FSD1: variants seen among roughly 807,000 people sequenced by gnomAD.
The protein encoded by FSD1 is fibronectin type III and SPRY domain-containing protein 1.
FSD1 carries 23 observed loss-of-function variants against 58.2 expected under a neutral mutation model. The observed-to-expected ratio is 0.40, with a 90% CI of 0.28 to 0.56. The LOEUF is 0.56. Among genes scored for constraint, FSD1 ranks in the 20% least tolerant of loss-of-function variants. The pLI is 0.54. For synonymous variants in FSD1, 265 were observed against 263.4 expected, an observed-to-expected ratio of 1.01 and a Z score of -0.06; for missense variants, 563 against 670.8, an observed-to-expected ratio of 0.84 and a Z score of 1.78.
rs200771550 is a variant in FSD1, at chr19:4,307,943, A to C, written c.305A>C (p.Asn102Thr). The C allele has an allele frequency of 4.3e-6, 7 of 1,613,860 alleles. No individual in the cohort carries two copies. Among genetic ancestry groups the C allele is most frequent in the African/African-American group, 1.3e-5 (1 of 74,926 alleles). The change falls in exon 4 of 13, where the codon AAC (asparagine) becomes ACC (threonine). Residue 102 changes from asparagine (N) to threonine (T), a missense_variant. Coordinates refer to ENST00000221856, the MANE Select transcript of FSD1 (RefSeq NM_024333.3). ...TCCGAGGAGCTTCTGGAGACAGCCA[A>C]CCAGACTCTGCAGGCCATGGACAGC... is the stretch of plus-strand genomic sequence containing the variant. ...ESSEELLETA[N>T]QTLQAMDSED...
At chr19:4,306,471 T>G in intron 3 of FSD1, 142 bp downstream of exon 3, 3 of 701,532 alleles carry the variant, frequency 4.3e-6, no homozygotes, top group Non-Finnish European at 4.6e-6. Flanking sequence ...GTACACTCTC[T>G]CTTTTTTTTT....
chr19:4,308,046 G>A, intron 4 of FSD1, 63 bp downstream of exon 4: 1 of 1,297,238 alleles, frequency 7.7e-7, no homozygotes, highest in Non-Finnish European at 1.1e-6. Flanking sequence ...CATTTCAGGT[G>A]AACAAGCACA....
At chr19:4,314,703 T>G (rs1971734304) in intron 7 of FSD1, among the ~76,000 whole-genome samples, 1 of 152,166 alleles carries the variant, frequency 6.6e-6, no homozygotes, top group African/African-American at 2.4e-5. Flanking sequence ...ACCAGGCTGG[T>G]CTCTAACTCC....
chr19:4,305,886 G>A, intron 1 of FSD1, 60 bp from the exon 2 acceptor site: 1 of 1,239,676 alleles, frequency 8.1e-7, no homozygotes. Flanking sequence ...ACACGTGTGT[G>A]TACCTGTGTG....
intron 10 of FSD1, among the ~76,000 whole-genome samples, chr19:4,319,412 G>C (rs964745220): frequency 6.6e-6 from 1 of 152,312 alleles, no homozygotes; most frequent in East Asian, 1.9e-4. Flanking sequence ...GTCAATAGTA[G>C]CATAAGAATG....
intron 10 of FSD1, among the ~76,000 whole-genome samples, 181 bp from the exon 11 acceptor site, chr19:4,322,805 T>C (rs1971715493): frequency 6.6e-6 from 1 of 151,900 alleles, no homozygotes; most frequent in Non-Finnish European, 1.5e-5. Flanking sequence ...AAGGGGTACC[T>C]GAGGGGAATA....
At chr19:4,310,734 TC>T in intron 6 of FSD1, 138 bp downstream of exon 6, 1 of 990,924 alleles carries the variant, frequency 1.0e-6, no homozygotes, top group Non-Finnish European at 1.5e-6. Context: ...CTCTGAGAAT[TC>T]CACGCCCTGT....
chr19:4,321,143 G>A (rs188561495), intron 10 of FSD1, among the ~76,000 whole-genome samples: 1 of 148,574 alleles, frequency 6.7e-6, no homozygotes, highest in Non-Finnish European at 1.5e-5. Context: ...GAATAGCTGG[G>A]ACTGAGGAGT....
At position 4,318,435 on chromosome 19, in the gene FSD1, G is replaced by A. The variant is rs764801761; in HGVS notation, c.889G>A (p.Val297Met). ...SVEWDAMGGKVQDIKAREKDG... is the reference protein window; with the variant it reads ...SVEWDAMGGKMQDIKAREKDG... The stretch of plus-strand genomic sequence containing the variant: ...GGAGTGGGACGCTATGGGCGGGAAG[G>A]TGCAGGATATCAAGGCTCGCGAGAA... Residue 297 changes from valine (V) to methionine (M), a missense_variant, in exon 9 of 13, where the codon GTG becomes ATG. Coordinates refer to ENST00000221856, the MANE Select transcript of FSD1 (RefSeq NM_024333.3). 2.5e-6 allele frequency: 4 copies of A among 1,613,808 alleles called. No individual in the cohort carries two copies. The highest frequency in any genetic ancestry group is 1.7e-5 in the Admixed American group (1 of 59,980).
intron 1 of FSD1, 103 bp downstream of exon 1, chr19:4,304,864 GCTGCTCTGCGGCTGAGGCC>G: frequency 2.7e-6 from 1 of 376,102 alleles, no homozygotes; most frequent in Non-Finnish European, 3.7e-6. Flanking sequence ...CTCCACCCCA[GCTGCTCTGCGGCTGAGGCC>G]CCACCCCATT....
At chr19:4,309,270 T>C (rs1472464291) in intron 4 of FSD1, among the ~76,000 whole-genome samples, 3 of 152,040 alleles carry the variant, frequency 2.0e-5, no homozygotes, top group Admixed American at 6.6e-5. Flanking sequence ...AAAAAAAGTA[T>C]TCATTGTTGA....
intron 3 of FSD1, 69 bp downstream of exon 3, chr19:4,306,398 C>T (rs1971622887): frequency 1.9e-6 from 3 of 1,553,344 alleles, no homozygotes; most frequent in East Asian, 2.3e-5. Flanking sequence ...GACCTCGGCA[C>T]CTTCCTCCAA....
At chr19:4,317,160 A>C (rs1048177704) in intron 7 of FSD1, 22 bp from the exon 8 acceptor site, 16 of 1,386,420 alleles carry the variant, frequency 1.2e-5, no homozygotes, top group Admixed American at 1.7e-5. Flanking sequence ...CACAGTGTTG[A>C]AATGCCTCTC....
chr19:4,305,788 GTGTGTGCGCA>G (rs1478268441), intron 1 of FSD1, among the ~76,000 whole-genome samples, 148 bp from the exon 2 acceptor site: 1 of 152,196 alleles, frequency 6.6e-6, no homozygotes, highest in African/African-American at 2.4e-5. Context: ...CCTGCCGTGT[GTGTGTGCGCA>G]TGTGTGTGCA....
chr19:4,306,365 C>G (rs1971622337), intron 3 of FSD1, 36 bp downstream of exon 3: 1 of 1,610,710 alleles, frequency 6.2e-7, no homozygotes. Context: ...CCCCCCGCCC[C>G]TCCTACTCAA....
At chr19:4,322,135 C>T (rs2144772092) in intron 10 of FSD1, among the ~76,000 whole-genome samples, 1 of 147,788 alleles carries the variant, frequency 6.8e-6, no homozygotes, top group South Asian at 2.2e-4. Flanking sequence ...TAGCTGGGTC[C>T]CCAAGAAGTA....
rs12977296 is a variant in FSD1 at position 4,310,995 on chromosome 19, G to T, written c.490+399G>T. 939 of 167,438 alleles carry T rather than the reference G, an allele frequency of 5.6e-3. 5 individuals carry two copies. Among genetic ancestry groups the T allele is most frequent in the Middle Eastern group, 0.013 (4 of 318 alleles). The allele number at this position is 167,438 out of a possible 1,614,324, so 10.4% of individuals were successfully genotyped here. On this transcript the variant is annotated intron_variant, in intron 6 of 12. Transcript: ENST00000221856. ...TGAGAATAGCACGTCCTGTGGGGGT[G>T]GGGTATTCATCAAGTCCCGCCCATG...
In FSD1 at chr19:4,317,227, G is replaced by A. The variant is rs751344796; in HGVS notation, c.746G>A (p.Cys249Tyr). ...TACATGAACTTCCGTGTGAAGGCCTGTAACAAGGCAGTTGCAGGAGAGTTC... is the reference window on the plus strand; with the variant it reads ...TACATGAACTTCCGTGTGAAGGCCTATAACAAGGCAGTTGCAGGAGAGTTC... ...MKYMNFRVKA[C>Y]NKAVAGEFSE... The change falls in exon 8 of 13, where the codon TGT (cysteine) becomes TAT (tyrosine). Residue 249 changes from cysteine (C) to tyrosine (Y), a missense_variant. Cys to Tyr is a radical substitution (Grantham distance 194, BLOSUM62 -2). Transcript: ENST00000221856. 3 of 1,613,354 alleles carry A rather than the reference G, an allele frequency of 1.9e-6. No individual in the cohort carries two copies. Among genetic ancestry groups the A allele is most frequent in the Middle Eastern group, 1.6e-4 (1 of 6,062 alleles).
At chr19:4,311,507 C>A (rs1360275800) in intron 6 of FSD1, 3 of 274,130 alleles carry the variant, frequency 1.1e-5, no homozygotes, top group South Asian at 3.7e-5. Flanking sequence ...CATGGAGAAA[C>A]CCTGTCTCTA....
Sources: allele counts gnomAD v4.1 joint callset (sites outside exome capture counted in the v4.1 genomes callset), GRCh38; gene constraint gnomAD v4.1.1; transcripts MANE v1.5; gene names NCBI Gene and HGNC (gene_info 2026-07-23, HGNC 2026-07-21).